Variants in AKAP12 observed in about 807,000 individuals in gnomAD.
AKAP12 encodes A-kinase anchor protein 12.
In AKAP12, 32 loss-of-function variants were observed where a neutral mutation model predicts 79.9. That is an observed-to-expected ratio of 0.40 (90% CI 0.30 to 0.54). AKAP12 has a LOEUF of 0.54. AKAP12 is among the 20% of genes least tolerant of loss of function. The probability of loss-of-function intolerance (pLI) is 0.48; values close to 1 mark genes in which losing one functional copy is unlikely to be tolerated. For synonymous variants in AKAP12, 808 were observed against 857.0 expected, an observed-to-expected ratio of 0.94 and a Z score of 1.00; for missense variants, 2,074 against 2,177.0, an observed-to-expected ratio of 0.95 and a Z score of 0.94.
At chr6:151,243,800 T>C (rs1797020769) in intron 2 of AKAP12, among the ~76,000 whole-genome samples, 1 of 152,282 alleles carries the variant, frequency 6.6e-6, no homozygotes, top group South Asian at 2.1e-4. Context: ...ACCTGAATGC[T>C]GGTGGTAAGT....
At chr6:151,249,402 A>G (rs1334258914) in intron 2 of AKAP12, among the ~76,000 whole-genome samples, 1 of 152,120 alleles carries the variant, frequency 6.6e-6, no homozygotes, top group Non-Finnish European at 1.5e-5. Context: ...CTGGTCTCGA[A>G]CTCCTGAGCT....
rs781189298 is a variant in AKAP12, at chr6:151,349,615, A to G, written c.1224A>G (p.Ile408Met). 2.5e-6 allele frequency: 4 copies of G among 1,611,146 alleles called. No individual in the cohort carries two copies. The highest frequency in any genetic ancestry group is 2.2e-5 in the East Asian group (1 of 44,868). The part of the protein sequence containing the change: ...PLATEVFDEK[I>M]EVHQEEVVAE... ...CGACAGAAGTGTTTGATGAGAAAAT[A>G]GAAGTCCACCAAGAAGAGGTTGTGG... The change falls in exon 4 of 5, where the codon ATA becomes ATG. Residue 408 changes from isoleucine to methionine, a missense_variant. By Grantham distance (10) the Ile-to-Met change is conservative (BLOSUM62 1). Coordinates refer to ENST00000402676, the MANE Select transcript of AKAP12 (RefSeq NM_005100.4).
intron 3 of AKAP12, among the ~76,000 whole-genome samples, chr6:151,342,974 C>T (rs765280120): frequency 6.6e-6 from 1 of 152,044 alleles, no homozygotes; most frequent in African/African-American, 2.4e-5. Flanking sequence ...CTTTGGCCAG[C>T]GTGGTCTTGA....
intron 2 of AKAP12, among the ~76,000 whole-genome samples, chr6:151,273,140 C>T (rs1776223985): frequency 6.6e-6 from 1 of 152,102 alleles, no homozygotes; most frequent in Non-Finnish European, 1.5e-5. Flanking sequence ...ATCTCCTGAC[C>T]TTGTGATCCG....
In AKAP12 at chr6:151,356,586, T is replaced by G. The variant is rs1050666748; in HGVS notation, c.*872T>G. 1.3e-5 allele frequency: 2 copies of G among 152,256 alleles called. No individual in the cohort carries two copies. Among genetic ancestry groups the G allele is most frequent in the Middle Eastern group, 3.2e-3 (1 of 316 alleles). The allele number at this position is 152,256 out of a possible 1,614,324, so 9.4% of individuals were successfully genotyped here. ...AATTGTTGTAAGTTTTTGATTCTACTCTTATATGCTGGACTGCATTCACAC... is the reference window on the plus strand; with the variant it reads ...AATTGTTGTAAGTTTTTGATTCTACGCTTATATGCTGGACTGCATTCACAC... On this transcript the variant is annotated 3_prime_UTR_variant, in exon 5 of 5. Coordinates refer to ENST00000402676, the MANE Select transcript of AKAP12 (RefSeq NM_005100.4).
chr6:151,258,165 TC>T (rs1368159011), intron 2 of AKAP12, among the ~76,000 whole-genome samples: 1 of 152,248 alleles, frequency 6.6e-6, no homozygotes, highest in African/African-American at 2.4e-5. Context: ...TCTCTGCCGC[TC>T]CTGCAATGAA....
At chr6:151,312,635 C>CA (rs1432753886) in intron 3 of AKAP12, among the ~76,000 whole-genome samples, 31 of 151,778 alleles carry the variant, frequency 2.0e-4, no homozygotes, top group South Asian at 2.1e-4. Context: ...ACTAAAAATA[C>CA]AAAAAAATTA....
intron 2 of AKAP12, among the ~76,000 whole-genome samples, chr6:151,253,773 T>C (rs1797237125): frequency 1.3e-5 from 2 of 151,948 alleles, no homozygotes; most frequent in Non-Finnish European, 2.9e-5. Context: ...GAGAGTGCAG[T>C]GGTGCTCACT....
chr6:151,342,014 C>T (rs1039967725), intron 3 of AKAP12, among the ~76,000 whole-genome samples: 1 of 152,242 alleles, frequency 6.6e-6, no homozygotes, highest in Non-Finnish European at 1.5e-5. Context: ...GCGCCAGCAG[C>T]CTACCTCCCC....
intron 2 of AKAP12, among the ~76,000 whole-genome samples, chr6:151,271,574 G>A (rs9371498): frequency 0.42 from 64,076 of 151,678 alleles, 14,173 homozygotes; most frequent in African/African-American, 0.53. Context: ...CGCCCACCTC[G>A]GCCTCCCAAA....
At chr6:151,354,864 C>T (rs1030948301) in intron 4 of AKAP12, among the ~76,000 whole-genome samples, 2 of 151,990 alleles carry the variant, frequency 1.3e-5, no homozygotes, top group African/African-American at 4.8e-5. Flanking sequence ...AATTTTTTTG[C>T]AGACAGGGGT....
chr6:151,330,413 A>C (rs2114792719), intron 3 of AKAP12, among the ~76,000 whole-genome samples: 1 of 152,274 alleles, frequency 6.6e-6, no homozygotes, highest in Non-Finnish European at 1.5e-5. Context: ...AATGAGCTTT[A>C]GAACAAGGGA....
intron 3 of AKAP12, among the ~76,000 whole-genome samples, chr6:151,309,906 C>A (rs1180106139): frequency 6.6e-5 from 10 of 151,988 alleles, no homozygotes; most frequent in Non-Finnish European, 1.5e-4. Flanking sequence ...CTGTGCTGTT[C>A]CCAGCATTCA....
At position 151,352,009 on chromosome 6, in the gene AKAP12, A is replaced by G. The variant is rs147705121; in HGVS notation, c.3618A>G (p.Ser1206=). 5 of 1,614,016 alleles carry G rather than the reference A, an allele frequency of 3.1e-6. No homozygotes were observed. The Admixed American group carries it at 5.0e-5, about 16-fold the overall frequency. The change falls in exon 4 of 5, where the codon TCA becomes TCG. Residue 1206 remains serine (S), a synonymous_variant. Coordinates refer to ENST00000402676, the MANE Select transcript of AKAP12 (RefSeq NM_005100.4). ...ATGAGGTCGCATCTGGTACCCAGTC[A>G]GGGGGCACAGAAGCAGAGGCAGTTC... is the stretch of plus-strand genomic sequence containing the variant. ...EENEVASGTQ[S]GGTEAEAVPA... is the part of the protein sequence containing the mutation.
intron 2 of AKAP12, among the ~76,000 whole-genome samples, chr6:151,244,011 A>G (rs1190362143): frequency 6.6e-6 from 1 of 152,010 alleles, no homozygotes; most frequent in South Asian, 2.1e-4. Context: ...TAGCCTTTCT[A>G]TATGTATTGC....
At chr6:151,242,126 T>C (rs774763895) in intron 2 of AKAP12, among the ~76,000 whole-genome samples, 28 of 152,232 alleles carry the variant, frequency 1.8e-4, no homozygotes, top group Admixed American at 3.3e-4. Flanking sequence ...TGATGCCAGC[T>C]ACTGTCAAAG....
intron 2 of AKAP12, among the ~76,000 whole-genome samples, chr6:151,301,841 C>G (rs2254750): frequency 0.84 from 127,576 of 152,046 alleles, 53,871 homozygotes; most frequent in South Asian, 0.92. Context: ...AATGTATCTA[C>G]GGCCTTTCTC....
At chr6:151,326,259 A>G (rs1490485490) in intron 3 of AKAP12, among the ~76,000 whole-genome samples, 1 of 152,232 alleles carries the variant, frequency 6.6e-6, no homozygotes, top group African/African-American at 2.4e-5. Flanking sequence ...ATTTGAAAAT[A>G]AGCTGTGAAA....
chr6:151,255,563 C>T (rs557260744), intron 2 of AKAP12, among the ~76,000 whole-genome samples: 6 of 151,948 alleles, frequency 3.9e-5, no homozygotes, highest in South Asian at 2.1e-4. Context: ...TTTGAGAAGC[C>T]GAGGCAGGAG....
Sources: gnomAD v4.1 joint callset for allele counts (sites outside exome capture counted in the v4.1 genomes callset) on GRCh38, gnomAD v4.1.1 for gene constraint, MANE v1.5 for transcripts, NCBI Gene and HGNC (gene_info 2026-07-23, HGNC 2026-07-21) for gene names.